CBFA2T3: variants seen among roughly 807,000 people sequenced by gnomAD.
The protein encoded by CBFA2T3 is transcriptional corepressor CBFA2T3.
CBFA2T3 carries 31 observed loss-of-function variants against 58.6 expected under a neutral mutation model. The observed-to-expected ratio is 0.53, with a 90% confidence interval of 0.40 to 0.71. The LOEUF (loss-of-function observed/expected upper bound fraction) is 0.71, where lower values mean the gene tolerates loss of function less well. Ranked by LOEUF, CBFA2T3 falls within the 30% of genes least tolerant of loss-of-function variation. The pLI is 0.00. For synonymous variants in CBFA2T3, 531 were observed against 421.9 expected (o/e 1.26, Z -3.17); for missense variants, 1,076 against 963.1 (o/e 1.12, Z -1.55).
chr16:88,880,800 G>A lies in CBFA2T3; in HGVS notation c.1403-12C>T. ...CTCGCGAGGCACGTCTGAAACAGGG[G>A]CCGGCGTCACACAGGATGGGCCACG... is the stretch of plus-strand genomic sequence containing the variant. On this transcript the variant is annotated splice_polypyrimidine_tract_variant and intron_variant, in intron 9 of 11. Transcript: ENST00000268679. 6.4e-7 allele frequency: 1 copy of A among 1,574,398 alleles called. No homozygotes were observed. The highest frequency in any genetic ancestry group is 8.6e-7 in the Non-Finnish European group (1 of 1,159,616).
intron 2 of CBFA2T3, among the ~76,000 whole-genome samples, chr16:88,898,854 C>A (rs1299589438): frequency 6.6e-6 from 1 of 152,326 alleles, no homozygotes; most frequent in East Asian, 1.9e-4. Context: ...GAGACCCAAA[C>A]TCTACTATAT....
chr16:88,944,375 T>TCCTCATG (rs1348244092), intron 1 of CBFA2T3, among the ~76,000 whole-genome samples: 3 of 102,726 alleles, frequency 2.9e-5, no homozygotes, highest in Non-Finnish European at 4.1e-5. Flanking sequence ...CCACCTCCCC[T>TCCTCATG]CCTCATGGCA....
Position 88,972,047 on chromosome 16 carries a change from C to A in CBFA2T3, c.151+4610G>T, listed in dbSNP as rs548634795. 9.2e-5 allele frequency among the ~76,000 whole-genome samples: 14 copies of A among 152,352 alleles called. No homozygotes were observed. The South Asian group carries it at 2.9e-3, about 32-fold the overall frequency. On this transcript the variant is annotated intron_variant, in intron 1 of 11. Transcript: ENST00000268679. ...GAAGCTGGCCCGGATTGCACCCTGACCCTAGGCACCGCCCCTGTCTTCCTA... is the reference window on the plus strand; with the variant it reads ...GAAGCTGGCCCGGATTGCACCCTGAACCTAGGCACCGCCCCTGTCTTCCTA...
chr16:88,907,567 A>G (rs1035513014), intron 1 of CBFA2T3, among the ~76,000 whole-genome samples: 2 of 152,204 alleles, frequency 1.3e-5, no homozygotes, highest in African/African-American at 2.4e-5. Context: ...CGAGTGGGGA[A>G]ACAGAGGCAC....
At chr16:88,883,481 A>G (rs1005269009) in intron 7 of CBFA2T3, 3 of 152,596 alleles carry the variant, frequency 2.0e-5, no homozygotes, top group South Asian at 2.1e-4. Flanking sequence ...ACTCTGTTCA[A>G]TACAGCGTGT....
intron 1 of CBFA2T3, among the ~76,000 whole-genome samples, chr16:88,965,545 G>A (rs542928390): frequency 3.2e-4 from 49 of 152,344 alleles, no homozygotes; most frequent in African/African-American, 1.1e-3. Context: ...AGGTCCCTGC[G>A]GGGCAGAGAG....
Position 88,890,051 on chromosome 16 carries a change from G to A in CBFA2T3, c.711+1831C>T, listed in dbSNP as rs535035569. Among the ~76,000 whole-genome samples the A allele has an allele frequency of 3.9e-3, 474 of 122,170 alleles. 6 individuals carry two copies. The highest frequency in any genetic ancestry group is 6.3e-3 in the Non-Finnish European group (365 of 58,174). The allele number at this position is 122,170 out of a possible 152,430, so 80.1% of individuals were successfully genotyped here. A position where few individuals can be genotyped will look rare whatever the true frequency, so the allele number is the denominator to read the frequency against. On this transcript the variant is annotated intron_variant, in intron 5 of 11. Coordinates refer to ENST00000268679, the MANE Select transcript of CBFA2T3 (RefSeq NM_005187.6). Reference sequence around the variant, plus strand: ...CGCGATTCCTCCTCCTCCAGGGGACGTTTCAAATCCCTGGACGATGCCCCG... The same window carrying A: ...CGCGATTCCTCCTCCTCCAGGGGACATTTCAAATCCCTGGACGATGCCCCG...
intron 5 of CBFA2T3, 84 bp from the exon 6 acceptor site, chr16:88,886,226 GT>G: frequency 9.5e-7 from 1 of 1,052,524 alleles, no homozygotes; most frequent in Non-Finnish European, 1.3e-6. Flanking sequence ...CCTGGGCTGG[GT>G]GGCCGAAAGC....
chr16:88,905,600 G>A (rs1279248775), intron 1 of CBFA2T3, among the ~76,000 whole-genome samples: 1 of 151,160 alleles, frequency 6.6e-6, no homozygotes, highest in Non-Finnish European at 1.5e-5. Flanking sequence ...CCCCGCTTAG[G>A]GGCTGGAGGA....
chr16:88,907,113 A>G (rs1193734338), intron 1 of CBFA2T3, among the ~76,000 whole-genome samples: 1 of 152,196 alleles, frequency 6.6e-6, no homozygotes, highest in East Asian at 1.9e-4. Flanking sequence ...GGCCTCCAGC[A>G]TCCCTGAACT....
At chr16:88,892,510 G>A (rs745419080) in intron 3 of CBFA2T3, 25 bp from the exon 4 acceptor site, 47 of 1,608,952 alleles carry the variant, frequency 2.9e-5, no homozygotes, top group Admixed American at 5.0e-5. Context: ...CGGACATGAG[G>A]ACACAAAGGT....
chr16:88,960,748 T>C (rs1305505007), intron 1 of CBFA2T3, among the ~76,000 whole-genome samples: 1 of 152,192 alleles, frequency 6.6e-6, no homozygotes, highest in African/African-American at 2.4e-5. Flanking sequence ...CACCCGCCTC[T>C]GGGTTTGGTC....
chr16:88,910,390 G>A (rs1369241844), intron 1 of CBFA2T3, among the ~76,000 whole-genome samples: 1 of 152,184 alleles, frequency 6.6e-6, no homozygotes, highest in Non-Finnish European at 1.5e-5. Flanking sequence ...CTCCCCGTGA[G>A]CTCCAGGAGG....
chr16:88,898,254 T>A, intron 2 of CBFA2T3, 102 bp from the exon 3 acceptor site: 1 of 892,490 alleles, frequency 1.1e-6, no homozygotes, highest in Non-Finnish European at 1.8e-6. Flanking sequence ...CTCAGAGTGA[T>A]TTTTGGTGGG....
At chr16:88,901,392 A>T (rs1455281814) in intron 2 of CBFA2T3, 112 bp downstream of exon 2, 6 of 561,774 alleles carry the variant, frequency 1.1e-5, no homozygotes, top group Non-Finnish European at 9.1e-6. Flanking sequence ...CCTCACACTC[A>T]GGGCTCACAG....
chr16:88,905,741 T>TGAA (rs1399573329), intron 1 of CBFA2T3, among the ~76,000 whole-genome samples: 122 of 8,722 alleles, frequency 0.014, 2 homozygotes, highest in African/African-American at 0.045. Context: ...GGGGCGGGAC[T>TGAA]GGAGGGGCGG....
chr16:88,975,220 C>CACATCTTTAGCCATA (rs1567644098), intron 1 of CBFA2T3, among the ~76,000 whole-genome samples: 2 of 127,892 alleles, frequency 1.6e-5, no homozygotes, highest in Non-Finnish European at 3.2e-5. Flanking sequence ...CCCTCTGCTC[C>CACATCTTTAGCCATA]TCACCTGCAG....
intron 1 of CBFA2T3, among the ~76,000 whole-genome samples, chr16:88,914,239 T>G (rs1453610570): frequency 2.0e-5 from 3 of 152,104 alleles, no homozygotes; most frequent in Non-Finnish European, 4.4e-5. Context: ...CAACACTCTG[T>G]GATGCTAGAG....
intron 1 of CBFA2T3, among the ~76,000 whole-genome samples, chr16:88,951,790 G>A (rs529858788): frequency 1.2e-4 from 18 of 152,348 alleles, no homozygotes; most frequent in Admixed American, 4.6e-4. Flanking sequence ...TTTGATCTGC[G>A]TGGGAGGCAA....
Sources: gnomAD v4.1 joint callset for allele counts (sites outside exome capture counted in the v4.1 genomes callset) on GRCh38, gnomAD v4.1.1 for gene constraint, MANE v1.5 for transcripts, NCBI Gene and HGNC (gene_info 2026-07-23, HGNC 2026-07-21) for gene names.